The following WWOX variants were observed in gnomAD, a reference collection of about 807,000 sequenced individuals.
The protein encoded by WWOX is WW domain-containing oxidoreductase.
WWOX carries 69 observed loss-of-function variants against 46.2 expected under a neutral mutation model. The ratio of observed to expected loss-of-function variants is 1.49; its 90% CI spans 1.23 to 1.82. WWOX has a LOEUF of 1.82. Ranked by LOEUF, WWOX falls within the 40% of genes most tolerant of loss-of-function variation. The pLI, the probability that WWOX is intolerant of heterozygous loss-of-function variation, is 0.00. For missense variants in WWOX, 919 were observed against 542.6 expected (o/e 1.69, Z -6.89); for synonymous variants, 359 against 202.6 (o/e 1.77, Z -6.56).
At position 79,154,944 on chromosome 16, in the gene WWOX, C is replaced by A. The variant is rs16949727; in HGVS notation, c.1057-56664C>A. On this transcript the variant is annotated intron_variant, in intron 8 of 8. Transcript: ENST00000566780. ...AGAAAGAAAGAAGAGGAAGAGCTGT[C>A]ATTCCTCTGACAAGTATTTTCAGTG... 1.5e-3 allele frequency among the ~76,000 whole-genome samples: 225 copies of A among 152,294 alleles called. 6 individuals are homozygous for A. In the East Asian group the frequency reaches 0.041, roughly 28 times the overall value.
chr16:78,642,358 G>C (rs576430328), intron 8 of WWOX, among the ~76,000 whole-genome samples: 4 of 152,176 alleles, frequency 2.6e-5, no homozygotes, highest in Non-Finnish European at 5.9e-5. Flanking sequence ...CAGATTCCTT[G>C]TTCTGTCCCT....
At chr16:78,448,930 G>C (rs4309410) in intron 8 of WWOX, among the ~76,000 whole-genome samples, 19 of 152,192 alleles carry the variant, frequency 1.2e-4, no homozygotes, top group African/African-American at 4.3e-4. Context: ...TCCTTGGGTC[G>C]GCTATCTTGC....
chr16:78,960,409 G>T (rs569558411), intron 8 of WWOX, among the ~76,000 whole-genome samples: 9 of 152,260 alleles, frequency 5.9e-5, no homozygotes, highest in African/African-American at 2.2e-4. Context: ...ATCTAGACTT[G>T]CTCTCTACCA....
chr16:78,953,773 G>A (rs374303480), intron 8 of WWOX, among the ~76,000 whole-genome samples: 1 of 152,180 alleles, frequency 6.6e-6, no homozygotes, highest in African/African-American at 2.4e-5. Context: ...CGAGCCAGAC[G>A]TTCTGTCTCA....
At position 78,494,119 on chromosome 16, in the gene WWOX, T is replaced by C. The variant is rs184769090; in HGVS notation, c.1056+61367T>C. On this transcript the variant is annotated intron_variant, in intron 8 of 8. Transcript: ENST00000566780. ...GGTGAAGGGGAAGCAGGTAATGTCT[T>C]CACATGGCTGGCAGTGGAGGAAGAG... is the stretch of plus-strand genomic sequence containing the variant. Among the ~76,000 whole-genome samples the C allele has an allele frequency of 4.4e-3, 663 of 152,248 alleles. 3 individuals carry two copies. The highest frequency in any genetic ancestry group is 0.015 in the African/African-American group (632 of 41,546).
Position 79,026,154 on chromosome 16 carries a change from C to T in WWOX, c.1057-185454C>T, listed in dbSNP as rs570787887. On this transcript the variant is annotated intron_variant, in intron 8 of 8. Coordinates refer to ENST00000566780, the MANE Select transcript of WWOX (RefSeq NM_016373.4). ...CATCATGTTAACCTTCCACTCGCTT[C>T]TTTAAGTTTCCTCACTCCTTTTAGG... Among the ~76,000 whole-genome samples, 6 of 151,776 alleles carry T rather than the reference C, an allele frequency of 4.0e-5. No individual in the cohort carries two copies. The East Asian group carries it at 1.2e-3, about 29-fold the overall frequency.
chr16:79,134,793 C>T (rs1486901853), intron 8 of WWOX, among the ~76,000 whole-genome samples: 1 of 152,178 alleles, frequency 6.6e-6, no homozygotes, highest in Non-Finnish European at 1.5e-5. Context: ...AGGGATGGCT[C>T]CAGTTGCCTG....
chr16:78,465,064 T>A (rs2084042763), intron 8 of WWOX, among the ~76,000 whole-genome samples: 1 of 152,124 alleles, frequency 6.6e-6, no homozygotes, highest in South Asian at 2.1e-4. Flanking sequence ...CCAGATCTCA[T>A]GAGATTTATT....
chr16:78,361,674 C>T (rs530965129), intron 5 of WWOX, among the ~76,000 whole-genome samples: 2 of 152,200 alleles, frequency 1.3e-5, no homozygotes, highest in African/African-American at 4.8e-5. Flanking sequence ...TGTAATGGTG[C>T]GATATCGGCT....
At chr16:78,765,219 C>T (rs751446382) in intron 8 of WWOX, among the ~76,000 whole-genome samples, 4 of 152,194 alleles carry the variant, frequency 2.6e-5, no homozygotes, top group Non-Finnish European at 5.9e-5. Flanking sequence ...GGCAGAGGAT[C>T]CAGCACGAGC....
At position 78,830,716 on chromosome 16, in the gene WWOX, C is replaced by A. The variant is rs111414790; in HGVS notation, c.1057-380892C>A. Among the ~76,000 whole-genome samples the A allele has an allele frequency of 4.0e-5, 6 of 151,756 alleles. No homozygotes were observed. The South Asian group carries it at 1.2e-3, about 32-fold the overall frequency. ...GTGCAGCTTTCTGGGCTGTTCAGGT[C>A]GATTTGGCCAAGCAGGACGGCATCA... On this transcript the variant is annotated intron_variant, in intron 8 of 8. Transcript: ENST00000566780.
intron 8 of WWOX, among the ~76,000 whole-genome samples, chr16:79,008,769 A>T (rs777633932): frequency 4.6e-5 from 7 of 152,176 alleles, no homozygotes; most frequent in Non-Finnish European, 7.3e-5. Context: ...ACAAAGGGAG[A>T]TCACAGCACC....
At chr16:78,169,666 C>A (rs556319158) in intron 5 of WWOX, among the ~76,000 whole-genome samples, 4 of 152,098 alleles carry the variant, frequency 2.6e-5, no homozygotes, top group African/African-American at 7.2e-5. Context: ...ATCCCCGGAA[C>A]TTGGGATCTA....
In WWOX at chr16:78,448,224, T is replaced by C. The variant is rs569100477; in HGVS notation, c.1056+15472T>C. Among the ~76,000 whole-genome samples, 20 of 152,320 alleles carry C rather than the reference T, an allele frequency of 1.3e-4. No individual in the cohort carries two copies. In the East Asian group the frequency reaches 3.5e-3, roughly 26 times the overall value. On this transcript the variant is annotated intron_variant, in intron 8 of 8. Transcript: ENST00000566780. ...GTCCCTTCAGCTCATTTTCTGAAGCTGACCAAAGGAGCACAGTAATGCATA... is the reference window on the plus strand; with the variant it reads ...GTCCCTTCAGCTCATTTTCTGAAGCCGACCAAAGGAGCACAGTAATGCATA...
intron 8 of WWOX, among the ~76,000 whole-genome samples, chr16:79,050,032 G>A (rs1382009157): frequency 6.6e-6 from 1 of 152,080 alleles, no homozygotes; most frequent in African/African-American, 2.4e-5. Context: ...CTGGAGGTCT[G>A]GAATGGGAGG....
chr16:78,779,001 G>T (rs927695224), intron 8 of WWOX, among the ~76,000 whole-genome samples: 10 of 152,152 alleles, frequency 6.6e-5, no homozygotes, highest in Admixed American at 5.9e-4. Flanking sequence ...TATTTCAGGG[G>T]ATGACCAGTC....
At chr16:78,593,726 TAA>T (rs34397683) in intron 8 of WWOX, among the ~76,000 whole-genome samples, 12 of 92,622 alleles carry the variant, frequency 1.3e-4, no homozygotes, top group East Asian at 1.3e-3. Flanking sequence ...CTGTTGTAGT[TAA>T]AAAAAAAAAG....
intron 8 of WWOX, among the ~76,000 whole-genome samples, chr16:78,719,052 C>T (rs2048633872): frequency 6.6e-6 from 1 of 152,122 alleles, no homozygotes; most frequent in South Asian, 2.1e-4. Context: ...AACTTAGTTC[C>T]AACAGAGCTA....
chr16:78,228,730 A>G (rs77909014), intron 5 of WWOX, among the ~76,000 whole-genome samples: 12,941 of 152,210 alleles, frequency 0.085, 732 homozygotes, highest in Middle Eastern at 0.13. Context: ...TCTGGTGAAC[A>G]TCATTAGTTG....
Sources: gnomAD v4.1 joint callset for allele counts (sites outside exome capture counted in the v4.1 genomes callset) on GRCh38, gnomAD v4.1.1 for gene constraint, MANE v1.5 for transcripts, NCBI Gene and HGNC (gene_info 2026-07-23, HGNC 2026-07-21) for gene names.